The following LRPPRC variants were observed in gnomAD, a reference collection of about 807,000 sequenced individuals.
LRPPRC encodes leucine rich pentatricopeptide repeat containing.
Under a neutral mutation model 180.3 loss-of-function variants are expected in LRPPRC, and 120 were observed. That is an observed-to-expected ratio of 0.67 (90% confidence interval 0.57 to 0.77). The LOEUF (loss-of-function observed/expected upper bound fraction) is 0.77. LRPPRC is among the 30% of genes least tolerant of loss of function. LRPPRC has a pLI of 0.00. For synonymous variants in LRPPRC, 723 were observed against 600.0 expected (o/e 1.21, Z -3.00); for missense variants, 2,012 against 1,657.2 (o/e 1.21, Z -3.72).
intron 30 of LRPPRC, among the ~76,000 whole-genome samples, chr2:43,907,111 C>A (rs1033300389): frequency 2.0e-5 from 3 of 152,186 alleles, no homozygotes; most frequent in Admixed American, 1.3e-4. Flanking sequence ...TTCATTAAAA[C>A]CACAAGGCAA....
At chr2:43,992,895 ACAT>A (rs1674849164) in intron 1 of LRPPRC, among the ~76,000 whole-genome samples, 1 of 152,184 alleles carries the variant, frequency 6.6e-6, no homozygotes, top group Admixed American at 6.5e-5. Flanking sequence ...TCTGGGAGAA[ACAT>A]CATCAGATAG....
At chr2:43,897,017 G>A (rs1375084660) in intron 34 of LRPPRC, among the ~76,000 whole-genome samples, 1 of 152,198 alleles carries the variant, frequency 6.6e-6, no homozygotes, top group Admixed American at 6.5e-5. Context: ...AGGAAAAAAA[G>A]AAACATTATT....
intron 12 of LRPPRC, 44 bp downstream of exon 12, chr2:43,963,544 G>A: frequency 8.7e-7 from 1 of 1,149,342 alleles, no homozygotes; most frequent in South Asian, 1.2e-5. Flanking sequence ...AAGGAGGAAA[G>A]ATATCCTCTT....
At chr2:43,976,009 T>C (rs985288387) in intron 6 of LRPPRC, 134 bp downstream of exon 6, 8 of 625,832 alleles carry the variant, frequency 1.3e-5, no homozygotes, top group Non-Finnish European at 2.3e-5. Context: ...GATAGACAAA[T>C]GTATTTTAAG....
chr2:43,987,489 C>A, intron 1 of LRPPRC, among the ~76,000 whole-genome samples: 1 of 59,522 alleles, frequency 1.7e-5, no homozygotes, highest in African/African-American at 7.5e-5. Context: ...AGCCAGACTC[C>A]TCAAAAAAAA....
intron 31 of LRPPRC, chr2:43,903,149 TTGTGA>T (rs1670948671): frequency 6.6e-6 from 1 of 152,208 alleles, no homozygotes; most frequent in African/African-American, 2.4e-5. Context: ...GCACAGGACC[TTGTGA>T]CCTAAATCCT....
intron 1 of LRPPRC, among the ~76,000 whole-genome samples, chr2:43,986,116 G>A (rs184630689): frequency 1.3e-5 from 2 of 152,170 alleles, no homozygotes; most frequent in Admixed American, 1.3e-4. Context: ...TTCTGGTGAA[G>A]TATTTTCTGC....
intron 14 of LRPPRC, among the ~76,000 whole-genome samples, chr2:43,955,474 GAAA>G (rs200193004): frequency 8.7e-6 from 1 of 115,268 alleles, no homozygotes; most frequent in African/African-American, 3.2e-5. Context: ...GTCTCAAAAA[GAAA>G]AAAAAAAAAA....
chr2:43,913,721 A>G lies in LRPPRC; in HGVS notation c.3149-1163T>C, dbSNP rs188355367. On this transcript the variant is annotated intron_variant, in intron 29 of 37. Coordinates refer to ENST00000260665, the MANE Select transcript of LRPPRC (RefSeq NM_133259.4). ...ATCACATTTCAAGTCAGTCTTCCAT[A>G]GAACAGTCCCTGTTAGTCATTAAAT... Among the ~76,000 whole-genome samples the G allele has an allele frequency of 1.7e-4, 26 of 152,360 alleles. No individual in the cohort carries two copies. In the East Asian group the frequency reaches 4.0e-3, roughly 24 times the overall value.
chr2:43,927,782 G>A (rs1328099001), intron 25 of LRPPRC, among the ~76,000 whole-genome samples: 1 of 152,088 alleles, frequency 6.6e-6, no homozygotes, highest in East Asian at 1.9e-4. Flanking sequence ...TGATTTATAT[G>A]GCAGATCTTC....
At chr2:43,942,503 G>C (rs562302243) in intron 23 of LRPPRC, among the ~76,000 whole-genome samples, 3 of 152,216 alleles carry the variant, frequency 2.0e-5, no homozygotes, top group African/African-American at 7.2e-5. Context: ...ATCTAACCCG[G>C]TAATTGTTTT....
intron 30 of LRPPRC, among the ~76,000 whole-genome samples, chr2:43,908,539 CTTTTT>C (rs910873293): frequency 6.7e-6 from 1 of 148,500 alleles, no homozygotes; most frequent in African/African-American, 2.5e-5. Context: ...AAACTATGGC[CTTTTT>C]TTTTTCTCAC....
At chr2:43,960,893 T>C (rs1485990234) in intron 12 of LRPPRC, among the ~76,000 whole-genome samples, 2 of 152,220 alleles carry the variant, frequency 1.3e-5, no homozygotes, top group South Asian at 2.1e-4. Context: ...CTGAGGACAC[T>C]AGAATAATTC....
At chr2:43,939,971 C>A (rs903186635) in intron 23 of LRPPRC, among the ~76,000 whole-genome samples, 1 of 152,198 alleles carries the variant, frequency 6.6e-6, no homozygotes, top group East Asian at 1.9e-4. Context: ...TCAGGCTCAA[C>A]AGGATTTTCT....
Position 43,901,523 on chromosome 2 carries a change from C to A in LRPPRC, c.3366G>T (p.Glu1122Asp). Residue 1122 changes from glutamate (E) to aspartate (D), a missense_variant and splice_region_variant, in exon 32 of 38, where the codon GAG becomes GAT. Glu to Asp is a conservative substitution (Grantham distance 45). Coordinates refer to ENST00000260665, the MANE Select transcript of LRPPRC (RefSeq NM_133259.4). ...ITQVRRDYLKEAVTTLKTVLD... is the reference protein window; with the variant it reads ...ITQVRRDYLKDAVTTLKTVLD... ...ATACTGTTTTCAGTGTTGTCACAGCCTCTAAAATACAAGAGCAGGAGATGG... is the reference window on the plus strand; with the variant it reads ...ATACTGTTTTCAGTGTTGTCACAGCATCTAAAATACAAGAGCAGGAGATGG... 1 of 1,606,376 alleles carries A rather than the reference C, an allele frequency of 6.2e-7. No homozygotes were observed. Among genetic ancestry groups the A allele is most frequent in the Non-Finnish European group, 8.5e-7 (1 of 1,172,974 alleles).
At chr2:43,897,740 CG>C (rs566405843) in intron 34 of LRPPRC, among the ~76,000 whole-genome samples, 46 of 151,926 alleles carry the variant, frequency 3.0e-4, no homozygotes, top group African/African-American at 1.0e-3. Context: ...AGGGAGCAGG[CG>C]CCATCCCTGC....
At chr2:43,889,396 T>C (rs1297139431) in intron 37 of LRPPRC, among the ~76,000 whole-genome samples, 2 of 149,954 alleles carry the variant, frequency 1.3e-5, no homozygotes, top group African/African-American at 2.5e-5. Context: ...AACAAGTAAT[T>C]ACCACTGACA....
chr2:43,975,690 C>A (rs1349351308), intron 6 of LRPPRC, among the ~76,000 whole-genome samples: 1 of 151,946 alleles, frequency 6.6e-6, no homozygotes, highest in Non-Finnish European at 1.5e-5. Context: ...TCAAGCAACG[C>A]TCCTGCCTCA....
intron 14 of LRPPRC, among the ~76,000 whole-genome samples, chr2:43,955,554 A>T (rs1457236142): frequency 6.6e-6 from 1 of 152,194 alleles, no homozygotes; most frequent in African/African-American, 2.4e-5. Context: ...CCTGGGCAAC[A>T]TAGTGAGATC....
Sources: gnomAD v4.1 joint callset for allele counts (sites outside exome capture counted in the v4.1 genomes callset) on GRCh38, gnomAD v4.1.1 for gene constraint, MANE v1.5 for transcripts, NCBI Gene and HGNC (gene_info 2026-07-23, HGNC 2026-07-21) for gene names.